SOX30: variants seen among roughly 807,000 people sequenced by gnomAD.
SOX30 encodes SRY-box transcription factor 30.
SOX30 carries 17 observed loss-of-function variants against 58.6 expected under a neutral mutation model. That is an observed-to-expected ratio of 0.29 (90% CI 0.20 to 0.44). The LOEUF is 0.44. Ranked by LOEUF, SOX30 falls within the 20% of genes least tolerant of loss-of-function variation. The pLI is 1.00. For synonymous variants in SOX30, 421 were observed against 400.2 expected (o/e 1.05, Z -0.62); for missense variants, 951 against 965.8 (o/e 0.98, Z 0.20).
chr5:157,669,587 G>C (rs1759737378), intron 1 of SOX30, among the ~76,000 whole-genome samples: 2 of 151,270 alleles, frequency 1.3e-5, no homozygotes, highest in Admixed American at 1.3e-4. Flanking sequence ...CACAATCTTG[G>C]CTCACTGCAA....
intron 2 of SOX30, among the ~76,000 whole-genome samples, chr5:157,665,722 A>T (rs570371167): frequency 6.7e-6 from 1 of 148,690 alleles, no homozygotes; most frequent in South Asian, 2.1e-4. Flanking sequence ...AAATAAAAAT[A>T]AAACTATATG....
At chr5:157,657,907 T>G (rs1209713596) in intron 2 of SOX30, among the ~76,000 whole-genome samples, 1 of 152,244 alleles carries the variant, frequency 6.6e-6, no homozygotes, top group Non-Finnish European at 1.5e-5. Flanking sequence ...TGGCACGTTT[T>G]CCTTTAAGGA....
At chr5:157,659,732 A>G (rs1301308318) in intron 2 of SOX30, among the ~76,000 whole-genome samples, 1 of 152,212 alleles carries the variant, frequency 6.6e-6, no homozygotes, top group Middle Eastern at 3.2e-3. Flanking sequence ...TTAGGGAGAC[A>G]TAGGACATCA....
chr5:157,656,340 ATATCT>A (rs569311519), upstream of SOX30, among the ~76,000 whole-genome samples: 364 of 152,354 alleles, frequency 2.4e-3, 3 homozygotes, highest in African/African-American at 8.5e-3. Flanking sequence ...TAAAATAAAA[ATATCT>A]TAAAATGTAA....
chr5:157,641,227 GA>G (rs1053857236), intron 3 of SOX30, among the ~76,000 whole-genome samples: 56 of 142,196 alleles, frequency 3.9e-4, no homozygotes, highest in African/African-American at 7.7e-4. Flanking sequence ...CATCTCTACA[GA>G]AAAAAAAAAA....
At chr5:157,645,229 A>C (rs771135648) in intron 3 of SOX30, among the ~76,000 whole-genome samples, 26 of 152,232 alleles carry the variant, frequency 1.7e-4, no homozygotes, top group Non-Finnish European at 3.7e-4. Context: ...AACAACAACA[A>C]CACTGAAAAT....
At chr5:157,655,051 C>G (rs1198906285), upstream of SOX30, among the ~76,000 whole-genome samples, 1 of 152,174 alleles carries the variant, frequency 6.6e-6, no homozygotes, top group African/African-American at 2.4e-5. Flanking sequence ...GATCCAAGAA[C>G]CCTCTTTTGG....
At chr5:157,645,356 G>A (rs568961809) in intron 3 of SOX30, among the ~76,000 whole-genome samples, 18 of 152,182 alleles carry the variant, frequency 1.2e-4, no homozygotes, top group South Asian at 1.0e-3. Flanking sequence ...GCAGGTTTAC[G>A]CAGTCTTAGT....
intron 2 of SOX30, among the ~76,000 whole-genome samples, chr5:157,664,530 G>A (rs4482888): frequency 0.5 from 76,585 of 152,044 alleles, 22,391 homozygotes; most frequent in African/African-American, 0.82. Context: ...GGACATAGGC[G>A]TGGGCAAGGA....
intron 2 of SOX30, 63 bp from the exon 3 acceptor site, chr5:157,646,879 A>G (rs1759205375): frequency 1.6e-6 from 2 of 1,241,170 alleles, no homozygotes; most frequent in Non-Finnish European, 2.3e-6. Flanking sequence ...AATTTTTTTC[A>G]TACTAAAATG....
chr5:157,661,879 T>C (rs2113858069), intron 2 of SOX30, among the ~76,000 whole-genome samples: 1 of 116,610 alleles, frequency 8.6e-6, no homozygotes, highest in East Asian at 2.1e-4. Context: ...AAATGAGCTG[T>C]AAAGTGTCCC....
rs1758660175 is a variant in SOX30 at position 157,626,541 on chromosome 5, A to T, written c.2061T>A (p.Ser687Arg). Residue 687 changes from serine to arginine, a missense_variant, in exon 5 of 5, where the codon AGT (serine) becomes AGA (arginine). Physicochemically the swap from Ser to Arg is moderately radical, Grantham distance 110 (BLOSUM62 -1). This residue lies in a region of SOX30 where 381 missense variants were observed against 390.0 expected (regional missense o/e 0.98). Coordinates refer to ENST00000265007, the MANE Select transcript of SOX30 (RefSeq NM_178424.2). ...SECTHSENSRSCENMNGTSYY... is the reference protein window; with the variant it reads ...SECTHSENSRRCENMNGTSYY... ...AAGAAGTTCCATTCATGTTCTCACA[A>T]CTCCGAGAATTTTCACTGTGTGTGC... 6.2e-7 allele frequency: 1 copy of T among 1,613,914 alleles called. No individual in the cohort carries two copies. Among genetic ancestry groups the T allele is most frequent in the Admixed American group, 1.7e-5 (1 of 59,984 alleles).
intron 1 of SOX30, 39 bp downstream of exon 1, chr5:157,651,073 A>G (rs760593607): frequency 2.1e-6 from 3 of 1,423,242 alleles, no homozygotes; most frequent in African/African-American, 2.9e-5. Flanking sequence ...GGCAACACAG[A>G]CGCAGTTTTG....
In SOX30 at chr5:157,659,956, G is replaced by A. The variant is rs114529771; in HGVS notation, c.52+7842C>T. Among the ~76,000 whole-genome samples, 594 of 152,326 alleles carry A rather than the reference G, an allele frequency of 3.9e-3. 4 individuals carry two copies. The highest frequency in any genetic ancestry group is 0.013 in the African/African-American group (555 of 41,570). On this transcript the variant is annotated intron_variant, in intron 2 of 5. Coordinates refer to the SOX30 transcript ENST00000519442. ...ATTATGCAGATAAAGCCTCCAGATA[G>A]TAGGCTTCAGAGAATATCAGACCTA... is the stretch of plus-strand genomic sequence containing the variant.
chr5:157,641,458 C>G (rs1759059780), intron 3 of SOX30, among the ~76,000 whole-genome samples: 2 of 152,038 alleles, frequency 1.3e-5, no homozygotes, highest in African/African-American at 4.8e-5. Flanking sequence ...ACTAAAAATA[C>G]AAAAATTAGC....
intron 4 of SOX30, among the ~76,000 whole-genome samples, chr5:157,632,827 G>A (rs985911555): frequency 2.0e-5 from 3 of 152,060 alleles, no homozygotes; most frequent in Non-Finnish European, 2.9e-5. Context: ...GGTGGCTCAC[G>A]CCTGTAATCC....
chr5:157,669,614 T>G (rs1224488775), intron 1 of SOX30, among the ~76,000 whole-genome samples: 7 of 151,984 alleles, frequency 4.6e-5, no homozygotes, highest in Non-Finnish European at 1.0e-4. Flanking sequence ...CCTCCCGGGT[T>G]CGACTGATTC....
intron 2 of SOX30, chr5:157,667,772 AC>A: frequency 1.2e-5 from 19 of 1,524,176 alleles, no homozygotes; most frequent in Non-Finnish European, 1.7e-5. Flanking sequence ...ATACACACAC[AC>A]ACACACACAC....
At position 157,651,258 on chromosome 5, in the gene SOX30, T is replaced by C. The variant is rs776319178; in HGVS notation, c.821A>G (p.Gln274Arg). The C allele has an allele frequency of 1.1e-5, 17 of 1,614,166 alleles. No homozygotes were observed. The highest frequency in any genetic ancestry group is 1.4e-5 in the Non-Finnish European group (17 of 1,180,024). ...LHTVPPGARI[Q>R]FQGAPPSELI... ...CTCTGAAGGCGGAGCTCCCTGAAAC[T>C]GGATCCGGGCCCCAGGGGGGACCGT... Residue 274 changes from glutamine to arginine, a missense_variant, in exon 1 of 5, where the codon CAG becomes CGG. This residue lies in a region of SOX30 where 84 missense variants were observed against 68.2 expected (regional missense o/e 1.23). Coordinates refer to ENST00000265007, the MANE Select transcript of SOX30 (RefSeq NM_178424.2).
Sources: gnomAD v4.1 joint callset for allele counts (sites outside exome capture counted in the v4.1 genomes callset) on GRCh38, gnomAD v4.1.1 for gene constraint, gnomAD v4.1.1 regional missense constraint, MANE v1.5 for transcripts, NCBI Gene and HGNC (gene_info 2026-07-23, HGNC 2026-07-21) for gene names.